Variants in CCDC93 observed in about 807,000 individuals in gnomAD.
CCDC93 encodes CCC complex scaffolding subunit CCDC93.
In CCDC93, 61 loss-of-function variants were observed where a neutral mutation model predicts 108.2. The ratio of observed to expected loss-of-function variants is 0.56; its 90% CI spans 0.46 to 0.70. The LOEUF (loss-of-function observed/expected upper bound fraction) is 0.70, where lower values mean the gene tolerates loss of function less well. CCDC93 is among the 30% of genes least tolerant of loss of function. CCDC93 has a pLI of 0.00. For synonymous variants in CCDC93, 276 were observed against 260.4 expected (o/e 1.06, Z -0.58); for missense variants, 685 against 764.2 (o/e 0.90, Z 1.22).
intron 12 of CCDC93, among the ~76,000 whole-genome samples, chr2:117,957,139 C>T (rs767895164): frequency 6.6e-6 from 1 of 152,198 alleles, no homozygotes; most frequent in Non-Finnish European, 1.5e-5. Flanking sequence ...ATCTGCCCCT[C>T]CTCAGCCTCC....
intron 23 of CCDC93, among the ~76,000 whole-genome samples, chr2:117,924,232 C>T (rs1383822256): frequency 1.3e-5 from 2 of 152,172 alleles, no homozygotes; most frequent in Non-Finnish European, 2.9e-5. Context: ...CTCTCCTCCT[C>T]CAAAGGAACG....
chr2:117,929,508 G>A (rs1678251383), intron 23 of CCDC93, among the ~76,000 whole-genome samples: 1 of 152,092 alleles, frequency 6.6e-6, no homozygotes, highest in South Asian at 2.1e-4. Context: ...GAGCCTGCAG[G>A]GCAAGAATGA....
At chr2:117,952,614 T>G (rs895919562) in intron 12 of CCDC93, among the ~76,000 whole-genome samples, 179 bp from the exon 13 acceptor site, 27 of 152,202 alleles carry the variant, frequency 1.8e-4, no homozygotes, top group Non-Finnish European at 1.9e-4. Flanking sequence ...TAGCACCAAG[T>G]ACATGTCAGC....
chr2:117,948,207 A>G, intron 14 of CCDC93, 21 bp from the exon 15 acceptor site: 1 of 1,561,798 alleles, frequency 6.4e-7, no homozygotes, highest in Non-Finnish European at 8.8e-7. Context: ...AAGACAAAAA[A>G]ATGACATATG....
intron 23 of CCDC93, among the ~76,000 whole-genome samples, chr2:117,926,907 A>T (rs1259776185): frequency 6.6e-6 from 1 of 152,178 alleles, no homozygotes; most frequent in Non-Finnish European, 1.5e-5. Flanking sequence ...AGCACATCAA[A>T]AAGCTTATCC....
chr2:118,003,516 A>C (rs1676773624), intron 3 of CCDC93, among the ~76,000 whole-genome samples: 1 of 152,112 alleles, frequency 6.6e-6, no homozygotes, highest in African/African-American at 2.4e-5. Context: ...GCAGGAGGAG[A>C]GCTCCCTCTT....
chr2:118,006,832 A>C lies in CCDC93; in HGVS notation c.157-16T>G. Reference sequence around the variant, plus strand: ...CTCCTACTACCTGCAAGACATAAAGAAAATATTTGTTTTCTCTTTTTAGTT... The same window carrying C: ...CTCCTACTACCTGCAAGACATAAAGCAAATATTTGTTTTCTCTTTTTAGTT... On this transcript the variant is annotated splice_polypyrimidine_tract_variant and intron_variant, in intron 2 of 23. Coordinates refer to ENST00000376300, the MANE Select transcript of CCDC93 (RefSeq NM_019044.5). The C allele has an allele frequency of 6.6e-7, 1 of 1,517,566 alleles. No individual in the cohort carries two copies. Among genetic ancestry groups the C allele is most frequent in the Non-Finnish European group, 9.1e-7 (1 of 1,093,798 alleles). 94.0% of individuals were successfully genotyped at this position (1,517,566 alleles called of 1,614,324 possible).
intron 11 of CCDC93, among the ~76,000 whole-genome samples, chr2:117,965,847 A>G (rs1679550070): frequency 6.6e-6 from 1 of 152,152 alleles, no homozygotes; most frequent in African/African-American, 2.4e-5. Context: ...CTTTCACATG[A>G]CAGTGATTAT....
chr2:117,995,414 C>G, intron 6 of CCDC93, 32 bp downstream of exon 6: 1 of 1,554,466 alleles, frequency 6.4e-7, no homozygotes, highest in Non-Finnish European at 8.9e-7. Flanking sequence ...CTACGCAGGA[C>G]TCTGACAGAA....
intron 8 of CCDC93, among the ~76,000 whole-genome samples, chr2:117,975,683 G>A (rs1474432277): frequency 3.3e-5 from 5 of 152,204 alleles, no homozygotes; most frequent in African/African-American, 1.2e-4. Context: ...ACTAGCATCT[G>A]TATAAATTAA....
At chr2:118,011,937 T>C (rs1409488767) in intron 1 of CCDC93, among the ~76,000 whole-genome samples, 1 of 152,230 alleles carries the variant, frequency 6.6e-6, no homozygotes, top group African/African-American at 2.4e-5. Context: ...GACCCTCTCT[T>C]GAAGCAATAA....
intron 12 of CCDC93, among the ~76,000 whole-genome samples, chr2:117,956,485 G>T (rs774445710): frequency 6.6e-6 from 1 of 152,132 alleles, no homozygotes; most frequent in Non-Finnish European, 1.5e-5. Context: ...CTGGCTCCTG[G>T]AGTCCACAAT....
chr2:117,982,755 TG>T (rs10557674), intron 7 of CCDC93, among the ~76,000 whole-genome samples: 2,455 of 145,010 alleles, frequency 0.017, 25 homozygotes, highest in African/African-American at 0.03. Flanking sequence ...CATAGTGTAG[TG>T]GGGGGGGGGG....
intron 14 of CCDC93, 120 bp from the exon 15 acceptor site, chr2:117,948,306 A>G (rs1195802774): frequency 3.0e-6 from 2 of 673,108 alleles, no homozygotes; most frequent in Admixed American, 2.6e-5. Context: ...CTCAGCTCTA[A>G]GAGTGTCTCA....
chr2:117,937,624 A>G (rs1678565031), intron 20 of CCDC93, among the ~76,000 whole-genome samples: 1 of 152,196 alleles, frequency 6.6e-6, no homozygotes. Flanking sequence ...CAGTGGAACA[A>G]CTTTAAACAC....
At chr2:117,950,210 T>A (rs1679009655) in intron 13 of CCDC93, 1 of 985,176 alleles carries the variant, frequency 1.0e-6, no homozygotes, top group African/African-American at 1.7e-5. Context: ...AAATTAAAGA[T>A]GAACATATAA....
intron 21 of CCDC93, 115 bp downstream of exon 21, chr2:117,936,587 C>T (rs1678532415): frequency 2.4e-6 from 2 of 821,238 alleles, no homozygotes; most frequent in Admixed American, 3.5e-5. Context: ...ATCACATACC[C>T]AGTGTTAAGT....
intron 8 of CCDC93, among the ~76,000 whole-genome samples, chr2:117,977,370 C>T (rs1033856634): frequency 6.6e-6 from 1 of 152,196 alleles, no homozygotes; most frequent in African/African-American, 2.4e-5. Context: ...CAGAAATAAA[C>T]ATCCTCCTCA....
rs1573479176 is a variant in CCDC93 at position 117,947,927 on chromosome 2, C to A, written c.1224+178G>T. The A allele has an allele frequency of 1.0e-5, 6 of 583,246 alleles. No homozygotes were observed. In the South Asian group the frequency reaches 1.2e-4, roughly 11 times the overall value. 36.1% of individuals were successfully genotyped at this position (583,246 alleles called of 1,614,324 possible). A position where few individuals can be genotyped will look rare whatever the true frequency, so the allele number is the denominator to read the frequency against. On this transcript the variant is annotated intron_variant, in intron 15 of 23. Transcript: ENST00000376300. ...GCCAGGATGGTCTCGATCTCCTGAC[C>A]TCGTGATCCGCCTGCCTTGGCTTCC...
Sources: allele counts gnomAD v4.1 joint callset (sites outside exome capture counted in the v4.1 genomes callset), GRCh38; gene constraint gnomAD v4.1.1; transcripts MANE v1.5; gene names NCBI Gene and HGNC (gene_info 2026-07-23, HGNC 2026-07-21).